Variants in RRAS2 observed in about 807,000 individuals in gnomAD.
RRAS2 encodes RAS related 2, also known as ras-related protein R-Ras2.
RRAS2 carries 7 observed loss-of-function variants against 27.6 expected under a neutral mutation model. The observed-to-expected ratio is 0.25, with a 90% CI of 0.14 to 0.48. The LOEUF (loss-of-function observed/expected upper bound fraction) is 0.48, where lower values mean the gene tolerates loss of function less well. Among genes scored for constraint, RRAS2 ranks in the 20% least tolerant of loss-of-function variants. RRAS2 has a pLI of 0.99. For missense variants in RRAS2, 178 were observed against 256.2 expected, an observed-to-expected ratio of 0.69 and a Z score of 2.08; for synonymous variants, 86 against 90.9, an observed-to-expected ratio of 0.95 and a Z score of 0.31.
chr11:14,358,269 G>A lies in RRAS2; in HGVS notation c.108+494C>T. The A allele has an allele frequency of 1.0e-6, 1 of 985,544 alleles. No individual in the cohort carries two copies. Among genetic ancestry groups the A allele is most frequent in the Non-Finnish European group, 1.2e-6 (1 of 829,998 alleles). 61.0% of individuals were successfully genotyped at this position (985,544 alleles called of 1,614,324 possible). A position where few individuals can be genotyped will look rare whatever the true frequency, so the allele number is the denominator to read the frequency against. On this transcript the variant is annotated intron_variant, in intron 1 of 5. Transcript: ENST00000256196. The surrounding 1 kb of genome is among the most constrained non-coding windows in gnomAD (Gnocchi z 5.1). ...AAATACACAGTACTTGAAGCGGGCAGCTCCGGCTCAGGCGGCGCGGGGAAG... is the reference window on the plus strand; with the variant it reads ...AAATACACAGTACTTGAAGCGGGCAACTCCGGCTCAGGCGGCGCGGGGAAG...
At chr11:14,333,608 ATC>A (rs1380716014) in intron 1 of RRAS2, among the ~76,000 whole-genome samples, 1 of 151,922 alleles carries the variant, frequency 6.6e-6, no homozygotes, top group African/African-American at 2.4e-5. Context: ...TCATTTTATA[ATC>A]TGTTTTCATT....
chr11:14,356,868 A>T, intron 1 of RRAS2: 3 of 400,026 alleles, frequency 7.5e-6, no homozygotes, highest in Non-Finnish European at 4.8e-6. Flanking sequence ...GCTCACTACA[A>T]TCTCCGCCTC....
At chr11:14,354,824 G>A (rs1554955256) in intron 1 of RRAS2, among the ~76,000 whole-genome samples, 2 of 151,794 alleles carry the variant, frequency 1.3e-5, no homozygotes, top group East Asian at 1.9e-4. Flanking sequence ...TTACAAGCAC[G>A]CACCAACACG....
At chr11:14,291,444 T>C (rs545620741) in intron 4 of RRAS2, among the ~76,000 whole-genome samples, 19 of 152,272 alleles carry the variant, frequency 1.2e-4, no homozygotes, top group Middle Eastern at 3.4e-3. Flanking sequence ...GCCATATAAA[T>C]GAGCAGAAAA....
At chr11:14,333,532 C>A (rs1047154459) in intron 1 of RRAS2, among the ~76,000 whole-genome samples, 1 of 152,242 alleles carries the variant, frequency 6.6e-6, no homozygotes, top group East Asian at 1.9e-4. Context: ...TCTAAGGATG[C>A]CCACTCTTAG....
intron 1 of RRAS2, among the ~76,000 whole-genome samples, chr11:14,331,797 C>A (rs1333370675): frequency 3.3e-5 from 5 of 151,502 alleles, no homozygotes; most frequent in Admixed American, 6.6e-5. Context: ...CTGTAATACA[C>A]AGCTGACAAA....
intron 1 of RRAS2, among the ~76,000 whole-genome samples, chr11:14,304,313 C>A (rs1444398776): frequency 6.6e-6 from 1 of 152,302 alleles, no homozygotes; most frequent in South Asian, 2.1e-4. Context: ...GGAAAGGACA[C>A]CAAACATACA....
intron 1 of RRAS2, among the ~76,000 whole-genome samples, chr11:14,303,694 G>A (rs1847767104): frequency 6.6e-6 from 1 of 152,112 alleles, no homozygotes; most frequent in Non-Finnish European, 1.5e-5. Flanking sequence ...TTCCTTGGTG[G>A]AGCTGAGAAG....
chr11:14,293,124 A>AATATATACAT (rs1847452433), intron 4 of RRAS2, among the ~76,000 whole-genome samples: 1 of 76,822 alleles, frequency 1.3e-5, no homozygotes, highest in African/African-American at 6.3e-5. Flanking sequence ...AAACAAAACA[A>AATATATACAT]ATATATATAT....
At chr11:14,313,614 G>T (rs1554949139) in intron 1 of RRAS2, among the ~76,000 whole-genome samples, 2 of 152,178 alleles carry the variant, frequency 1.3e-5, no homozygotes, top group African/African-American at 2.4e-5. Context: ...AGAAAGGAGG[G>T]TGAGATGCAA....
At chr11:14,327,798 G>A (rs1442793075) in intron 1 of RRAS2, among the ~76,000 whole-genome samples, 9 of 135,112 alleles carry the variant, frequency 6.7e-5, no homozygotes, top group African/African-American at 2.2e-4. Context: ...CTTCTCACCT[G>A]TAACAACTCA....
intron 1 of RRAS2, among the ~76,000 whole-genome samples, chr11:14,340,360 C>T (rs948133224): frequency 6.6e-6 from 1 of 151,904 alleles, no homozygotes; most frequent in Non-Finnish European, 1.5e-5. Flanking sequence ...CTCGGCCTCC[C>T]AAAGTGCTGG....
chr11:14,326,422 AAACTC>A (rs1206376839), intron 1 of RRAS2, among the ~76,000 whole-genome samples: 1 of 152,242 alleles, frequency 6.6e-6, no homozygotes, highest in Non-Finnish European at 1.5e-5. Flanking sequence ...CACACATATC[AAACTC>A]AACTACACAA....
chr11:14,333,244 C>T (rs1214161041), intron 1 of RRAS2, among the ~76,000 whole-genome samples: 1 of 152,064 alleles, frequency 6.6e-6, no homozygotes, highest in Non-Finnish European at 1.5e-5. Flanking sequence ...TAGTATATCA[C>T]TATTATAAGT....
At chr11:14,356,922 G>A (rs544043241) in intron 1 of RRAS2, among the ~76,000 whole-genome samples, 1 of 151,688 alleles carries the variant, frequency 6.6e-6, no homozygotes, top group South Asian at 2.1e-4. Context: ...AGAGTAGCTG[G>A]GACTACAGGC....
At chr11:14,284,119 G>T (rs1554944735) in intron 4 of RRAS2, among the ~76,000 whole-genome samples, 1 of 151,988 alleles carries the variant, frequency 6.6e-6, no homozygotes, top group African/African-American at 2.4e-5. Flanking sequence ...TCTTAAGGAA[G>T]AAACTAAAGG....
chr11:14,354,866 G>A (rs1409497332), intron 1 of RRAS2, among the ~76,000 whole-genome samples: 1 of 151,524 alleles, frequency 6.6e-6, no homozygotes, highest in East Asian at 1.9e-4. Flanking sequence ...TAGTAGAGGT[G>A]GGGTTTCACC....
chr11:14,288,181 G>A (rs1379357609), intron 4 of RRAS2, among the ~76,000 whole-genome samples: 6 of 152,096 alleles, frequency 3.9e-5, no homozygotes, highest in East Asian at 3.9e-4. Flanking sequence ...GTCCTGCCAC[G>A]TTGTCCAGGC....
intron 1 of RRAS2, among the ~76,000 whole-genome samples, chr11:14,354,036 C>A (rs1554955164): frequency 1.3e-5 from 2 of 152,134 alleles, no homozygotes; most frequent in African/African-American, 4.8e-5. Flanking sequence ...GAAAAATCTT[C>A]GAGATGTAGC....
Sources: gnomAD v4.1 joint callset for allele counts (sites outside exome capture counted in the v4.1 genomes callset) on GRCh38, gnomAD v4.1.1 for gene constraint, Gnocchi (gnomAD v3.1) non-coding constraint, MANE v1.5 for transcripts, NCBI Gene and HGNC (gene_info 2026-07-23, HGNC 2026-07-21) for gene names.